KCMF1: variants seen among roughly 807,000 people sequenced by gnomAD.
The protein encoded by KCMF1 is E3 ubiquitin-protein ligase KCMF1.
In KCMF1, 3 loss-of-function variants were observed where a neutral mutation model predicts 41.1. That is an observed-to-expected ratio of 0.07 (90% CI 0.03 to 0.19). The LOEUF is 0.19. Ranked by LOEUF, KCMF1 falls within the 10% of genes least tolerant of loss-of-function variation. The probability of loss-of-function intolerance (pLI) is 1.00; values close to 1 mark genes in which losing one functional copy is unlikely to be tolerated. For synonymous variants in KCMF1, 142 were observed against 164.5 expected, an observed-to-expected ratio of 0.86 and a Z score of 1.04; for missense variants, 286 against 488.9, an observed-to-expected ratio of 0.58 and a Z score of 3.91.
chr2:85,051,979 C>T (rs1252490955), intron 6 of KCMF1, among the ~76,000 whole-genome samples: 1 of 152,214 alleles, frequency 6.6e-6, no homozygotes, highest in Non-Finnish European at 1.5e-5. Context: ...AGTTCCTATT[C>T]ATGTTGCCCT....
intron 1 of KCMF1, among the ~76,000 whole-genome samples, chr2:85,004,208 A>G (rs535873232): frequency 7.2e-5 from 11 of 152,194 alleles, no homozygotes; most frequent in African/African-American, 2.6e-4. Context: ...GATAACTGAA[A>G]CCTCAGAAAG....
chr2:84,978,515 A>G (rs1293161142), intron 1 of KCMF1, among the ~76,000 whole-genome samples: 1 of 126,374 alleles, frequency 7.9e-6, no homozygotes, highest in Admixed American at 7.8e-5. Flanking sequence ...TTTTTTTTTT[A>G]TACTTTAAGT....
intron 3 of KCMF1, among the ~76,000 whole-genome samples, chr2:85,043,207 G>T (rs1375018425): frequency 3.9e-5 from 6 of 152,202 alleles, no homozygotes; most frequent in Admixed American, 3.9e-4. Flanking sequence ...CCATAGGCTT[G>T]TATCTGTCTT....
chr2:85,036,403 C>T (rs1033803323), intron 3 of KCMF1, among the ~76,000 whole-genome samples: 27 of 152,288 alleles, frequency 1.8e-4, no homozygotes, highest in Middle Eastern at 3.4e-3. Context: ...GGAAAACTTG[C>T]AGTCATTTTT....
At chr2:85,029,784 C>T (rs1004702481) in intron 2 of KCMF1, among the ~76,000 whole-genome samples, 1 of 149,260 alleles carries the variant, frequency 6.7e-6, no homozygotes, top group Non-Finnish European at 1.5e-5. Flanking sequence ...TGGGTTCAAG[C>T]GATTCTCCTG....
At chr2:85,021,726 T>C (rs947405271) in intron 1 of KCMF1, among the ~76,000 whole-genome samples, 1 of 152,112 alleles carries the variant, frequency 6.6e-6, no homozygotes, top group African/African-American at 2.4e-5. Flanking sequence ...GCAAACTTCA[T>C]AGATGAAGAG....
At chr2:85,048,015 G>A (rs553850716) in intron 5 of KCMF1, among the ~76,000 whole-genome samples, 1 of 152,246 alleles carries the variant, frequency 6.6e-6, no homozygotes, top group Non-Finnish European at 1.5e-5. Flanking sequence ...GCTTAATTGG[G>A]TCCTGGGTGA....
intron 1 of KCMF1, among the ~76,000 whole-genome samples, chr2:85,008,314 T>TCATATATAATATATAATATG (rs1167071002): frequency 9.9e-6 from 1 of 101,044 alleles, no homozygotes; most frequent in East Asian, 4.5e-4. Context: ...TAATATGATA[T>TCATATATAATATATAATATG]ATATATCATA....
chr2:84,973,680 T>C (rs1673456572), intron 1 of KCMF1, among the ~76,000 whole-genome samples: 1 of 152,218 alleles, frequency 6.6e-6, no homozygotes, highest in Admixed American at 6.6e-5. Flanking sequence ...CTGTCATTAT[T>C]GTCATCAGTA....
intron 1 of KCMF1, among the ~76,000 whole-genome samples, chr2:85,015,422 T>C (rs1174529767): frequency 6.6e-6 from 1 of 152,178 alleles, no homozygotes; most frequent in Non-Finnish European, 1.5e-5. Flanking sequence ...AGCTCCTCTA[T>C]TTCCAGATAA....
chr2:84,974,997 G>T (rs11510401), intron 1 of KCMF1, among the ~76,000 whole-genome samples: 2 of 151,940 alleles, frequency 1.3e-5, no homozygotes, highest in African/African-American at 4.8e-5. Flanking sequence ...GTAAGCCACC[G>T]CACCTGGCCG....
At chr2:84,989,961 A>G (rs550711148) in intron 1 of KCMF1, among the ~76,000 whole-genome samples, 83 of 152,340 alleles carry the variant, frequency 5.4e-4, no homozygotes, top group African/African-American at 1.9e-3. Context: ...TGAATTGAGC[A>G]TTGGAGGAGC....
intron 2 of KCMF1, among the ~76,000 whole-genome samples, chr2:85,030,153 A>AAAT (rs1675232004): frequency 6.6e-6 from 1 of 152,114 alleles, no homozygotes; most frequent in African/African-American, 2.4e-5. Flanking sequence ...TACTTTGAAG[A>AAAT]AATACCTTGA....
At position 84,982,061 on chromosome 2, in the gene KCMF1, G is replaced by A. The variant is rs138261012; in HGVS notation, c.16+10594G>A. On this transcript the variant is annotated intron_variant, in intron 1 of 6. Transcript: ENST00000409785. ...GCCTCCCAATGTGCTGGGATTACAG[G>A]CGTGAGCCACTGTGCCTGGCAATTC... is the stretch of plus-strand genomic sequence containing the variant. 6.5e-3 allele frequency among the ~76,000 whole-genome samples: 993 copies of A among 152,274 alleles called. 7 individuals carry two copies. The highest frequency in any genetic ancestry group is 9.9e-3 in the Non-Finnish European group (675 of 68,030).
At chr2:84,989,874 A>G (rs1673996289) in intron 1 of KCMF1, among the ~76,000 whole-genome samples, 1 of 152,308 alleles carries the variant, frequency 6.6e-6, no homozygotes, top group Non-Finnish European at 1.5e-5. Flanking sequence ...CATGAGGACT[A>G]GGCTAAGAGG....
At chr2:84,974,302 C>G (rs926116139) in intron 1 of KCMF1, among the ~76,000 whole-genome samples, 5 of 152,092 alleles carry the variant, frequency 3.3e-5, no homozygotes, top group African/African-American at 7.2e-5. Flanking sequence ...TTTTCAGGGC[C>G]TTATGTGTGC....
At chr2:85,011,753 G>A (rs1674657458) in intron 1 of KCMF1, among the ~76,000 whole-genome samples, 1 of 152,188 alleles carries the variant, frequency 6.6e-6, no homozygotes, top group South Asian at 2.1e-4. Context: ...GCTGCTAAGG[G>A]ATTCTGAATA....
intron 1 of KCMF1, among the ~76,000 whole-genome samples, chr2:85,005,174 T>C (rs1201278366): frequency 3.9e-5 from 6 of 152,192 alleles, no homozygotes; most frequent in Admixed American, 3.3e-4. Flanking sequence ...CCCAAAGTGC[T>C]GGCATTACAG....
At chr2:85,023,362 A>G (rs187801965) in intron 1 of KCMF1, among the ~76,000 whole-genome samples, 2,834 of 117,170 alleles carry the variant, frequency 0.024, 97 homozygotes, top group African/African-American at 0.088. Context: ...TTTCTCGCCC[A>G]GGCTGGAGTG....
Sources: gnomAD v4.1 joint callset for allele counts (sites outside exome capture counted in the v4.1 genomes callset) on GRCh38, gnomAD v4.1.1 for gene constraint, MANE v1.5 for transcripts, NCBI Gene and HGNC (gene_info 2026-07-23, HGNC 2026-07-21) for gene names.